The following TTBK2 variants were observed in gnomAD, a reference collection of about 807,000 sequenced individuals.
TTBK2 encodes the protein tau tubulin kinase 2.
Under a neutral mutation model 110.8 loss-of-function variants are expected in TTBK2, and 28 were observed. That is an observed-to-expected ratio of 0.25 (90% confidence interval 0.19 to 0.35). TTBK2 has a LOEUF of 0.35. TTBK2 is among the 10% of genes least tolerant of loss of function. The probability of loss-of-function intolerance (pLI) is 1.00; values close to 1 mark genes in which losing one functional copy is unlikely to be tolerated. For missense variants in TTBK2, 1,369 were observed against 1,500.3 expected, an observed-to-expected ratio of 0.91 and a Z score of 1.45; for synonymous variants, 532 against 527.3, an observed-to-expected ratio of 1.01 and a Z score of -0.12.
rs138974989 is a variant in TTBK2 at position 42,801,993 on chromosome 15, G to A, written c.823-7192C>T. The stretch of plus-strand genomic sequence containing the variant: ...ACTTAAGGTTGTTGATGTAGCTCTC[G>A]AACATGTTGTCCATGTTGCTCCGAG... On this transcript the variant is annotated intron_variant, in intron 9 of 14. Transcript: ENST00000267890. The A allele has an allele frequency of 2.7e-3, 4,147 of 1,523,342 alleles. 107 individuals are homozygous for A. The African/African-American group carries it at 0.051, about 19-fold the overall frequency. The allele number at this position is 1,523,342 out of a possible 1,614,324, so 94.4% of individuals were successfully genotyped here. A position where few individuals can be genotyped will look rare whatever the true frequency, so the allele number is the denominator to read the frequency against.
chr15:42,869,664 G>A (rs904356268), intron 3 of TTBK2, among the ~76,000 whole-genome samples: 1 of 152,004 alleles, frequency 6.6e-6, no homozygotes, highest in African/African-American at 2.4e-5. Flanking sequence ...AATGGAGAGG[G>A]CGAAGAGACA....
intron 3 of TTBK2, among the ~76,000 whole-genome samples, chr15:42,856,968 G>A (rs1392820748): frequency 6.6e-6 from 1 of 152,058 alleles, no homozygotes; most frequent in Non-Finnish European, 1.5e-5. Context: ...AACTGAGGAA[G>A]GAGAATCTCT....
chr15:42,829,946 T>G lies in TTBK2; in HGVS notation c.424A>C (p.Ile142Leu). The stretch of plus-strand genomic sequence containing the variant: ...ATAGAAAAGGTCCCTACCGGTTTGA[T>G]GTCTCGATGCAAGAATCCCACAGAA... Reference protein sequence around the residue: ...IHSVGFLHRDIKPSNFAMGRF... With the variant: ...IHSVGFLHRDLKPSNFAMGRF... The change falls in exon 5 of 15, where the codon ATC becomes CTC. Residue 142 changes from isoleucine to leucine, a missense_variant. Around this residue, in one of 4 missense-constraint regions of TTBK2, gnomAD observed 12 missense variants for 47.0 expected, o/e 0.26. Transcript: ENST00000267890. The G allele has an allele frequency of 6.2e-7, 1 of 1,614,170 alleles. No homozygotes were observed. The highest frequency in any genetic ancestry group is 8.5e-7 in the Non-Finnish European group (1 of 1,180,024).
chr15:42,870,159 G>A (rs892592462), intron 3 of TTBK2, among the ~76,000 whole-genome samples: 2 of 151,798 alleles, frequency 1.3e-5, no homozygotes, highest in Non-Finnish European at 2.9e-5. Context: ...GGGCAACAGA[G>A]CAAGACTCCA....
At chr15:42,899,733 A>C (rs1895809896) in intron 1 of TTBK2, among the ~76,000 whole-genome samples, 1 of 150,754 alleles carries the variant, frequency 6.6e-6, no homozygotes, top group East Asian at 2.0e-4. Context: ...GCAAGACTCC[A>C]TACAAAAAAA....
At chr15:42,777,269 G>A (rs1483646303) in intron 11 of TTBK2, 27 bp from the exon 12 acceptor site, 1 of 1,608,638 alleles carries the variant, frequency 6.2e-7, no homozygotes, top group Non-Finnish European at 8.5e-7. Flanking sequence ...ATAAAATCAT[G>A]AAAAACATTC....
intron 9 of TTBK2, among the ~76,000 whole-genome samples, chr15:42,804,856 G>C (rs756540880): frequency 2.0e-5 from 3 of 152,170 alleles, no homozygotes; most frequent in Non-Finnish European, 4.4e-5. Context: ...TACTGGTGCA[G>C]CCTGATTTGG....
At chr15:42,769,585 C>T (rs1233831182) in intron 13 of TTBK2, among the ~76,000 whole-genome samples, 3 of 152,142 alleles carry the variant, frequency 2.0e-5, no homozygotes, top group South Asian at 2.1e-4. Flanking sequence ...GTTAGAATGG[C>T]GATCATTAAA....
chr15:42,813,702 T>G (rs2140934103), intron 7 of TTBK2, among the ~76,000 whole-genome samples: 1 of 151,616 alleles, frequency 6.6e-6, no homozygotes, highest in Non-Finnish European at 1.5e-5. Context: ...AAAAATTAGC[T>G]GGGCGTGGCA....
chr15:42,783,929 G>A (rs1003679082), intron 10 of TTBK2, among the ~76,000 whole-genome samples: 2 of 151,954 alleles, frequency 1.3e-5, no homozygotes, highest in Non-Finnish European at 2.9e-5. Flanking sequence ...GGGCGTGGTG[G>A]TGGGCACCTG....
intron 2 of TTBK2, 28 bp from the exon 3 acceptor site, chr15:42,872,786 T>A (rs1328179499): frequency 6.2e-7 from 1 of 1,611,410 alleles, no homozygotes; most frequent in South Asian, 1.1e-5. Flanking sequence ...ACACACACAC[T>A]CTAAATTACT....
intron 13 of TTBK2, among the ~76,000 whole-genome samples, chr15:42,760,222 C>T (rs1040135218): frequency 1.6e-4 from 24 of 151,822 alleles, no homozygotes; most frequent in Non-Finnish European, 2.9e-4. Flanking sequence ...CCTGTCTCTA[C>T]TAAAAATACA....
chr15:42,867,707 A>G (rs1383133071), intron 3 of TTBK2, among the ~76,000 whole-genome samples: 1 of 152,244 alleles, frequency 6.6e-6, no homozygotes, highest in Non-Finnish European at 1.5e-5. Flanking sequence ...ATGTGGAACA[A>G]CAGGAACTCT....
intron 13 of TTBK2, among the ~76,000 whole-genome samples, chr15:42,754,222 T>C (rs1203817407): frequency 6.6e-6 from 1 of 151,822 alleles, no homozygotes; most frequent in African/African-American, 2.4e-5. Context: ...TAGCTGGGAC[T>C]ACAGCATGCA....
chr15:42,805,893 A>C (rs988748619), intron 9 of TTBK2, among the ~76,000 whole-genome samples: 2 of 152,122 alleles, frequency 1.3e-5, no homozygotes, highest in Admixed American at 1.3e-4. Flanking sequence ...TTTTCAAGTT[A>C]CTCTTAAGAG....
chr15:42,883,364 C>T (rs533820637), intron 1 of TTBK2, among the ~76,000 whole-genome samples: 15 of 132,836 alleles, frequency 1.1e-4, no homozygotes, highest in African/African-American at 3.7e-4. Flanking sequence ...GTGACAAGAG[C>T]GAAACTCCAC....
chr15:42,850,430 C>T (rs964305513), intron 3 of TTBK2, among the ~76,000 whole-genome samples: 1 of 152,124 alleles, frequency 6.6e-6, no homozygotes, highest in African/African-American at 2.4e-5. Flanking sequence ...TGGTCTTCTT[C>T]CCCAGTCTGT....
chr15:42,857,862 C>T (rs1160789857), intron 3 of TTBK2, among the ~76,000 whole-genome samples: 3 of 151,902 alleles, frequency 2.0e-5, no homozygotes, highest in Admixed American at 6.6e-5. Context: ...GCAGGTGGAT[C>T]ACCTGAGATC....
At chr15:42,835,075 A>G (rs914299065) in intron 4 of TTBK2, among the ~76,000 whole-genome samples, 1 of 152,170 alleles carries the variant, frequency 6.6e-6, no homozygotes, top group Non-Finnish European at 1.5e-5. Context: ...CCTAATAGTG[A>G]ATGTAGTGGT....
Sources: gnomAD v4.1 joint callset for allele counts (sites outside exome capture counted in the v4.1 genomes callset) on GRCh38, gnomAD v4.1.1 for gene constraint, gnomAD v4.1.1 regional missense constraint, MANE v1.5 for transcripts, NCBI Gene and HGNC (gene_info 2026-07-23, HGNC 2026-07-21) for gene names.